MCF2: variants seen among roughly 807,000 people sequenced by gnomAD.
The protein encoded by MCF2 is MCF.2 cell line derived transforming sequence, also known as proto-oncogene DBL.
In MCF2, 44 loss-of-function variants were observed where a neutral mutation model predicts 82.5. The observed-to-expected ratio is 0.53, with a 90% CI of 0.42 to 0.69. The LOEUF (loss-of-function observed/expected upper bound fraction) is 0.69. Among genes scored for constraint, MCF2 ranks in the 30% least tolerant of loss-of-function variants. The pLI, the probability that MCF2 is intolerant of heterozygous loss-of-function variation, is 0.00. For missense variants in MCF2, 623 were observed against 663.1 expected (o/e 0.94, Z 0.66); for synonymous variants, 217 against 224.9 (o/e 0.96, Z 0.32).
chrX:139,701,462 G>C (rs938563154), intron 1 of MCF2, among the ~76,000 whole-genome samples: 1 of 112,167 alleles, frequency 8.9e-6, no homozygotes, highest in Non-Finnish European at 1.9e-5. Flanking sequence ...CAGTCAGTTG[G>C]AAGGTCTTAA....
chrX:139,671,582 A>G (rs184702880), intron 1 of MCF2, among the ~76,000 whole-genome samples: 3,588 of 110,934 alleles, frequency 0.032, 153 homozygotes, highest in African/African-American at 0.11. Context: ...TCCTTTCCCC[A>G]TTTCTTGTTT....
intron 1 of MCF2, among the ~76,000 whole-genome samples, chrX:139,642,100 A>T (rs750392377): frequency 1.8e-5 from 2 of 111,504 alleles, no homozygotes; most frequent in African/African-American, 6.5e-5. Flanking sequence ...ACTCTACTTG[A>T]TCATGGTGAA....
chrX:139,626,549 A>G, intron 5 of MCF2, 74 bp downstream of exon 8: 1 of 1,005,266 alleles, frequency 9.9e-7, no homozygotes, highest in African/African-American at 1.9e-5. Context: ...CACTTAACAT[A>G]TTGCAGCAAA....
intron 9 of MCF2, among the ~76,000 whole-genome samples, chrX:139,615,635 G>C (rs987172904): frequency 3.6e-5 from 4 of 111,689 alleles, no homozygotes; most frequent in Non-Finnish European, 7.5e-5. Flanking sequence ...CATCCCCTAG[G>C]ATATTCCGCT....
In MCF2 at chrX:139,588,450, A is replaced by C; in HGVS notation, c.2371-12T>G. ...TCTACATTAGAAGCCTAAAGATTAA[A>C]AAAAAAGCGGGAGGGAGGTGGTACA... On this transcript the variant is annotated splice_polypyrimidine_tract_variant and intron_variant, in intron 20 of 24. Coordinates refer to ENST00000370576, the Ensembl canonical transcript of MCF2. The C allele has an allele frequency of 3.6e-6, 4 of 1,105,818 alleles. No homozygotes were observed. The highest frequency in any genetic ancestry group is 3.7e-6 in the Non-Finnish European group (3 of 803,037). The allele number at this position is 1,105,818 out of a possible 1,213,427, so 91.1% of individuals were successfully genotyped here. A position where few individuals can be genotyped will look rare whatever the true frequency, so the allele number is the denominator to read the frequency against.
At position 139,597,441 on chromosome X, in the gene MCF2, A is replaced by G; in HGVS notation, c.2055+19T>C. 14 of 1,171,102 alleles carry G rather than the reference A, an allele frequency of 1.2e-5. No homozygotes were observed. Among genetic ancestry groups the G allele is most frequent in the Non-Finnish European group, 1.5e-5 (13 of 863,908 alleles). On this transcript the variant is annotated intron_variant, in intron 18 of 24. Transcript: ENST00000370576. The stretch of plus-strand genomic sequence containing the variant: ...ATGCCGACCCTCTAAAATTCCAACA[A>G]TTATTAAAATGTGCTTACAATATAG...
chrX:139,650,588 C>G (rs982501528), intron 2 of MCF2, among the ~76,000 whole-genome samples: 1 of 111,658 alleles, frequency 9.0e-6, no homozygotes, highest in Non-Finnish European at 1.9e-5. Context: ...GTTTAATATG[C>G]TAAATGTAAT....
At chrX:139,669,253 T>C (rs1224340253) in intron 1 of MCF2, among the ~76,000 whole-genome samples, 1 of 111,893 alleles carries the variant, frequency 8.9e-6, no homozygotes, top group Non-Finnish European at 1.9e-5. Context: ...AAAGAAGATA[T>C]ACAAGTGGTC....
rs370003567 is a variant in MCF2 at position 139,707,426 on chromosome X, T to C, written c.-45+680A>G. Among the ~76,000 whole-genome samples the C allele has an allele frequency of 3.8e-4, 42 of 111,197 alleles. 1 individual carries two copies. The East Asian group carries it at 9.6e-3, about 26-fold the overall frequency. ...AACATCACCATATTCTTTTGGAAGA[T>C]TGCCCTCAAGACCTCCCATTTTTCT... On this transcript the variant is annotated intron_variant, in intron 1 of 27. Coordinates refer to the MCF2 transcript ENST00000414978.
intron 2 of MCF2, among the ~76,000 whole-genome samples, chrX:139,651,008 C>T (rs5954090): frequency 0.14 from 15,886 of 110,274 alleles, 1,062 homozygotes; most frequent in African/African-American, 0.25. Flanking sequence ...AGTAAAATTG[C>T]GGTTGACAGG....
At chrX:139,657,735 G>C (rs1234720296) in intron 1 of MCF2, among the ~76,000 whole-genome samples, 2 of 111,811 alleles carry the variant, frequency 1.8e-5, no homozygotes, top group African/African-American at 6.5e-5. Context: ...CAAACCTATT[G>C]ATCAGGTTTG....
upstream of MCF2, chrX:139,645,541 G>A (rs755299537): frequency 5.3e-6 from 5 of 938,758 alleles, no homozygotes; most frequent in Non-Finnish European, 7.6e-6. Flanking sequence ...AAAATAAAAA[G>A]TTACTGTATA....
chrX:139,642,682 G>GAA (rs200847661), exon 1 of MCF2: 318 of 941,617 alleles, frequency 3.4e-4, no homozygotes, highest in East Asian at 1.1e-3. Flanking sequence ...TGCTGGGGAG[G>GAA]AAAAAAAAAA....
At chrX:139,628,552 G>A (rs555131665) in intron 4 of MCF2, among the ~76,000 whole-genome samples, 3 of 111,313 alleles carry the variant, frequency 2.7e-5, no homozygotes, top group South Asian at 3.8e-4. Context: ...AGGATCATTC[G>A]TACACCAAAC....
intron 1 of MCF2, among the ~76,000 whole-genome samples, chrX:139,679,776 A>G (rs1484682717): frequency 9.0e-6 from 1 of 111,217 alleles, no homozygotes; most frequent in Admixed American, 9.5e-5. Flanking sequence ...CTTTCAGCAC[A>G]TAATATTGAG....
intron 1 of MCF2, among the ~76,000 whole-genome samples, chrX:139,633,933 C>CT (rs1271587027): frequency 9.0e-6 from 1 of 111,230 alleles, no homozygotes; most frequent in Non-Finnish European, 1.9e-5. Context: ...AAAGGAGGTA[C>CT]TAGGAGGATC....
At chrX:139,653,775 C>CT (rs1351091651) in intron 1 of MCF2, among the ~76,000 whole-genome samples, 1 of 110,873 alleles carries the variant, frequency 9.0e-6, no homozygotes, top group South Asian at 3.9e-4. Flanking sequence ...TATTTACATT[C>CT]TTTTTTCCCC....
At chrX:139,689,353 A>G (rs1332774380) in intron 1 of MCF2, among the ~76,000 whole-genome samples, 1 of 112,015 alleles carries the variant, frequency 8.9e-6, no homozygotes, top group African/African-American at 3.2e-5. Context: ...GTACAGCCAT[A>G]GTAAGGGCAT....
In MCF2 at chrX:139,703,280, G is replaced by C. The variant is rs745736601; in HGVS notation, c.-45+4826C>G. ...AGTGTAGGAAATTTGAGGATACAAG[G>C]GAAGGGTGAAATTGTTATTTTAGAG... On this transcript the variant is annotated intron_variant, in intron 1 of 27. Transcript: ENST00000414978. 2.8e-3 allele frequency among the ~76,000 whole-genome samples: 310 copies of C among 111,871 alleles called. 2 individuals are homozygous for C. Among genetic ancestry groups the C allele is most frequent in the Non-Finnish European group, 5.2e-3 (274 of 53,168 alleles).
Sources: gnomAD v4.1 joint callset for allele counts (sites outside exome capture counted in the v4.1 genomes callset) on GRCh38, gnomAD v4.1.1 for gene constraint, MANE v1.5 for transcripts, NCBI Gene and HGNC (gene_info 2026-07-23, HGNC 2026-07-21) for gene names.